Variants in KIF26B observed in about 807,000 individuals in gnomAD.
KIF26B encodes the protein kinesin family member 26B, also known as kinesin-like protein KIF26B.
In KIF26B, 63 loss-of-function variants were observed where a neutral mutation model predicts 151.2. That is an observed-to-expected ratio of 0.42 (90% CI 0.34 to 0.51). The LOEUF is 0.51. Among genes scored for constraint, KIF26B ranks in the 20% least tolerant of loss-of-function variants. KIF26B has a pLI of 0.07. For missense variants in KIF26B, 2,813 were observed against 2,913.6 expected, an observed-to-expected ratio of 0.97 and a Z score of 0.79; for synonymous variants, 1,357 against 1,262.1, an observed-to-expected ratio of 1.08 and a Z score of -1.59.
At chr1:245,309,859 T>C (rs1354761070) in intron 2 of KIF26B, among the ~76,000 whole-genome samples, 2 of 146,118 alleles carry the variant, frequency 1.4e-5, no homozygotes, top group African/African-American at 5.0e-5. Context: ...ATATAATATT[T>C]AATATATATA....
chr1:245,270,529 C>T (rs552714556), intron 2 of KIF26B, among the ~76,000 whole-genome samples: 1 of 152,020 alleles, frequency 6.6e-6, no homozygotes, highest in Non-Finnish European at 1.5e-5. Flanking sequence ...TGATATTGAG[C>T]ATCTTTTCAT....
chr1:245,356,774 GAGAC>G (rs1432436910), intron 2 of KIF26B, among the ~76,000 whole-genome samples: 1 of 152,132 alleles, frequency 6.6e-6, no homozygotes, highest in Non-Finnish European at 1.5e-5. Context: ...TTTGCAGGGG[GAGAC>G]AGACAATGAA....
At chr1:245,370,279 G>T (rs1399045403) in intron 3 of KIF26B, among the ~76,000 whole-genome samples, 3 of 151,902 alleles carry the variant, frequency 2.0e-5, no homozygotes, top group Non-Finnish European at 4.4e-5. Flanking sequence ...ATTATCTTTA[G>T]CAGTAACATA....
chr1:245,229,791 T>C (rs571174782), intron 2 of KIF26B, among the ~76,000 whole-genome samples: 4 of 152,232 alleles, frequency 2.6e-5, no homozygotes, highest in Non-Finnish European at 5.9e-5. Flanking sequence ...CCAAATTTCT[T>C]TATTCATTCT....
At chr1:245,428,068 G>A (rs528850332) in intron 4 of KIF26B, among the ~76,000 whole-genome samples, 36 of 152,162 alleles carry the variant, frequency 2.4e-4, no homozygotes, top group Non-Finnish European at 4.3e-4. Context: ...TGTCCTGGCC[G>A]GCCCTGCCTC....
rs1472098831 is a variant in KIF26B at position 245,156,287 on chromosome 1, T to G, written c.69T>G (p.Asn23Lys). ...VSTRGKKYGVNEVCSPTKPAA... is the reference protein window; with the variant it reads ...VSTRGKKYGVKEVCSPTKPAA... ...CCGGCGTGTCTTCCCCGCAGGTGAA[T>G]GAAGTCTGCTCGCCCACCAAGCCCG... The change falls in exon 2 of 15, where the codon AAT becomes AAG. Residue 23 changes from asparagine (N) to lysine (K), a missense_variant. By Grantham distance (94) the Asn-to-Lys change is moderately conservative. Transcript: ENST00000407071. 1.4e-5 allele frequency: 21 copies of G among 1,546,724 alleles called. No individual in the cohort carries two copies. The highest frequency in any genetic ancestry group is 1.7e-5 in the Non-Finnish European group (19 of 1,146,000).
chr1:245,293,731 A>C (rs1415319102), intron 2 of KIF26B, among the ~76,000 whole-genome samples: 1 of 152,022 alleles, frequency 6.6e-6, no homozygotes, highest in South Asian at 2.1e-4. Flanking sequence ...GGCTTGTGCC[A>C]CCATGCCCGG....
At chr1:245,225,828 T>A (rs1333915190) in intron 2 of KIF26B, among the ~76,000 whole-genome samples, 2 of 152,224 alleles carry the variant, frequency 1.3e-5, no homozygotes, top group African/African-American at 4.8e-5. Context: ...AACAATAGCA[T>A]AAAACAGCTT....
chr1:245,370,663 T>G (rs760475462), intron 3 of KIF26B: 17 of 455,952 alleles, frequency 3.7e-5, no homozygotes, highest in South Asian at 2.6e-4. Context: ...CAGAGGAGCA[T>G]GAAACTGGTG....
In KIF26B at chr1:245,702,611, G is replaced by T; in HGVS notation, c.*5G>T. ...ATCACCTCCAGGCGCCGGTAGATGA[G>T]CCAGACCCTTGTCCTAGTGGTCCCC... On this transcript the variant is annotated 3_prime_UTR_variant, in exon 15 of 15. Transcript: ENST00000407071. The surrounding 1 kb of genome is among the most constrained non-coding windows in gnomAD (Gnocchi z 4.1). 2 of 1,613,132 alleles carry T rather than the reference G, an allele frequency of 1.2e-6. No homozygotes were observed. Among genetic ancestry groups the T allele is most frequent in the South Asian group, 2.2e-5 (2 of 90,948 alleles).
chr1:245,602,865 G>A lies in KIF26B; in HGVS notation c.1557+82G>A, dbSNP rs2043412801. On this transcript the variant is annotated intron_variant, in intron 6 of 14. Transcript: ENST00000407071. This position sits in a 1 kb window ranked among gnomAD's most constrained non-coding sequence, Gnocchi z 4.5. The stretch of plus-strand genomic sequence containing the variant: ...TCATTCACAAGGGCCCTTGAGCTGG[G>A]AGGGTGTCTTCTGGAGCATTCTGAT... The A allele has an allele frequency of 2.3e-6, 3 of 1,307,896 alleles. No individual in the cohort carries two copies. Among genetic ancestry groups the A allele is most frequent in the Admixed American group, 3.4e-5 (2 of 59,052 alleles). 81.0% of individuals were successfully genotyped at this position (1,307,896 alleles called of 1,614,324 possible).
At chr1:245,502,891 C>T (rs1572094800) in intron 4 of KIF26B, among the ~76,000 whole-genome samples, 8 of 146,398 alleles carry the variant, frequency 5.5e-5, no homozygotes, top group Admixed American at 2.7e-4. Context: ...GATGGAGTTT[C>T]GCTCTTGTTG....
In KIF26B at chr1:245,264,142, C is replaced by T. The variant is rs576017227; in HGVS notation, c.466-102692C>T. Reference sequence around the variant, plus strand: ...TCTTCAAAGTGTGTTCCATGATAGACTTGTGTTTTATAAAACAGCAGTGCT... The same window carrying T: ...TCTTCAAAGTGTGTTCCATGATAGATTTGTGTTTTATAAAACAGCAGTGCT... On this transcript the variant is annotated intron_variant, in intron 2 of 14. Transcript: ENST00000407071. Among the ~76,000 whole-genome samples, 5 of 152,284 alleles carry T rather than the reference C, an allele frequency of 3.3e-5. No individual in the cohort carries two copies. The East Asian group carries it at 9.6e-4, about 29-fold the overall frequency.
At chr1:245,640,143 C>CTCTCTCTCTCTCTCTATATATATATA in intron 9 of KIF26B, among the ~76,000 whole-genome samples, 4 of 31,924 alleles carry the variant, frequency 1.3e-4, no homozygotes, top group Middle Eastern at 0.012. Context: ...CTCTCTCTCT[C>CTCTCTCTCTCTCTCTATATATATATA]TATATATATA....
chr1:245,258,008 G>A (rs184570475), intron 2 of KIF26B, among the ~76,000 whole-genome samples: 3 of 151,698 alleles, frequency 2.0e-5, no homozygotes, highest in African/African-American at 4.9e-5. Flanking sequence ...GTGACAGAGT[G>A]AGACTCTGTC....
intron 5 of KIF26B, among the ~76,000 whole-genome samples, chr1:245,580,531 A>G (rs1269284845): frequency 1.3e-5 from 2 of 152,194 alleles, no homozygotes; most frequent in Non-Finnish European, 2.9e-5. Context: ...GGAGGGAACC[A>G]TGTTGGGGGG....
intron 10 of KIF26B, among the ~76,000 whole-genome samples, chr1:245,661,029 C>T (rs571565848): frequency 9.3e-5 from 14 of 150,576 alleles, no homozygotes; most frequent in Admixed American, 4.6e-4. Context: ...CTCTGTTGTC[C>T]GGGCTGGAGT....
At chr1:245,679,933 C>T (rs776671413) in intron 10 of KIF26B, among the ~76,000 whole-genome samples, 12 of 152,120 alleles carry the variant, frequency 7.9e-5, no homozygotes, top group Admixed American at 2.6e-4. Flanking sequence ...CCTCCATAGC[C>T]AGGGCCCCCC....
At chr1:245,605,700 C>T (rs1016866838) in intron 6 of KIF26B, among the ~76,000 whole-genome samples, 1 of 152,104 alleles carries the variant, frequency 6.6e-6, no homozygotes, top group Non-Finnish European at 1.5e-5. Flanking sequence ...CTCTCCAGGT[C>T]CCAGGGGAAG....
Sources: gnomAD v4.1 joint callset for allele counts (sites outside exome capture counted in the v4.1 genomes callset) on GRCh38, gnomAD v4.1.1 for gene constraint, Gnocchi (gnomAD v3.1) non-coding constraint, MANE v1.5 for transcripts, NCBI Gene and HGNC (gene_info 2026-07-23, HGNC 2026-07-21) for gene names.